Variants in TNKS observed in about 807,000 individuals in gnomAD.
TNKS encodes tankyrase.
In TNKS, 72 loss-of-function variants were observed where a neutral mutation model predicts 135.8. That is an observed-to-expected ratio of 0.53 (90% CI 0.44 to 0.64). The LOEUF (loss-of-function observed/expected upper bound fraction) is 0.64, where lower values mean the gene tolerates loss of function less well. Ranked by LOEUF, TNKS falls within the 30% of genes least tolerant of loss-of-function variation. TNKS has a pLI of 0.00. For missense variants in TNKS, 1,769 were observed against 1,674.0 expected, an observed-to-expected ratio of 1.06 and a Z score of -0.99; for synonymous variants, 849 against 649.3, an observed-to-expected ratio of 1.31 and a Z score of -4.68.
rs977024660 is a variant in TNKS at position 9,778,070 on chromosome 8, G to C, written c.*1334G>C. 6.6e-6 allele frequency: 1 copy of C among 152,524 alleles called. No individual in the cohort carries two copies. Among genetic ancestry groups the C allele is most frequent in the Non-Finnish European group, 1.5e-5 (1 of 68,008 alleles). The allele number at this position is 152,524 out of a possible 1,614,324, so 9.4% of individuals were successfully genotyped here. On this transcript the variant is annotated 3_prime_UTR_variant, in exon 27 of 27. Transcript: ENST00000310430. ...TTATTTTTTCAATGAAGGTGAGAAA[G>C]AAATACCATACAATTTTCTTTGTGA...
At chr8:9,728,255 C>G (rs555602790) in intron 13 of TNKS, among the ~76,000 whole-genome samples, 1 of 152,286 alleles carries the variant, frequency 6.6e-6, no homozygotes, top group Admixed American at 6.5e-5. Flanking sequence ...TGGTAAATTT[C>G]TTCCCCAAGA....
intron 1 of TNKS, among the ~76,000 whole-genome samples, chr8:9,576,212 T>C (rs574467117): frequency 2.0e-5 from 3 of 152,234 alleles, no homozygotes; most frequent in Non-Finnish European, 2.9e-5. Context: ...CCGAGCAAAA[T>C]TGAGTCTGAG....
At chr8:9,733,683 G>A (rs563666586) in intron 15 of TNKS, among the ~76,000 whole-genome samples, 2 of 152,160 alleles carry the variant, frequency 1.3e-5, no homozygotes, top group African/African-American at 2.4e-5. Flanking sequence ...GTAGGTTTTA[G>A]AAAGAGCTGA....
chr8:9,752,013 G>C (rs192047210), intron 19 of TNKS, among the ~76,000 whole-genome samples, 167 bp downstream of exon 19: 1 of 152,088 alleles, frequency 6.6e-6, no homozygotes, highest in Non-Finnish European at 1.5e-5. Flanking sequence ...AGGCTGCCAC[G>C]TTTCTTGGCA....
At chr8:9,637,186 A>T (rs1441475507) in intron 3 of TNKS, among the ~76,000 whole-genome samples, 1 of 152,350 alleles carries the variant, frequency 6.6e-6, no homozygotes, top group East Asian at 1.9e-4. Flanking sequence ...AATTAATTAG[A>T]CAGGAAATCA....
chr8:9,728,094 C>G (rs773865346), intron 13 of TNKS, among the ~76,000 whole-genome samples: 12 of 152,040 alleles, frequency 7.9e-5, no homozygotes, highest in Non-Finnish European at 1.5e-5. Context: ...GTTTTAAATT[C>G]CATGTGTTTT....
chr8:9,616,243 A>C (rs1799640600), intron 3 of TNKS, among the ~76,000 whole-genome samples: 1 of 152,208 alleles, frequency 6.6e-6, no homozygotes, highest in Admixed American at 6.5e-5. Context: ...TATTAGTTTT[A>C]TTAAAGCAAA....
intron 1 of TNKS, among the ~76,000 whole-genome samples, chr8:9,570,465 G>A (rs1317484341): frequency 2.0e-5 from 3 of 152,176 alleles, no homozygotes; most frequent in East Asian, 3.8e-4. Context: ...TCCCTTGCTG[G>A]CGTGGTGGAC....
At chr8:9,710,634 C>T (rs562414902) in intron 11 of TNKS, among the ~76,000 whole-genome samples, 5 of 152,266 alleles carry the variant, frequency 3.3e-5, no homozygotes, top group Admixed American at 1.3e-4. Flanking sequence ...CAGTGGCTCA[C>T]GCCTGTAATC....
At chr8:9,687,536 C>G (rs1028588347) in intron 5 of TNKS, among the ~76,000 whole-genome samples, 3 of 152,140 alleles carry the variant, frequency 2.0e-5, no homozygotes, top group Non-Finnish European at 4.4e-5. Context: ...TCTATTTTGT[C>G]AAGCATGACA....
intron 1 of TNKS, chr8:9,557,694 T>G (rs922361181): frequency 1.3e-5 from 2 of 151,890 alleles, no homozygotes; most frequent in Non-Finnish European, 2.9e-5. Context: ...GTTAAGTTTC[T>G]CCTATATTTC....
chr8:9,592,651 C>A (rs955294356), intron 2 of TNKS, among the ~76,000 whole-genome samples: 5 of 152,132 alleles, frequency 3.3e-5, no homozygotes, highest in Non-Finnish European at 7.4e-5. Context: ...CACTTTCATA[C>A]GTATTCTTAT....
chr8:9,611,037 C>T (rs2128763518), intron 2 of TNKS, among the ~76,000 whole-genome samples: 1 of 152,264 alleles, frequency 6.6e-6, no homozygotes, highest in South Asian at 2.1e-4. Flanking sequence ...ATGCCTGTAC[C>T]AGAAATGGGA....
At chr8:9,730,152 A>G (rs1217909329) in intron 13 of TNKS, among the ~76,000 whole-genome samples, 2 of 152,062 alleles carry the variant, frequency 1.3e-5, no homozygotes, top group African/African-American at 2.4e-5. Context: ...ACAGTCTTTC[A>G]TTCCTTCCAT....
At chr8:9,749,280 G>C (rs1806393692) in intron 18 of TNKS, among the ~76,000 whole-genome samples, 1 of 151,998 alleles carries the variant, frequency 6.6e-6, no homozygotes, top group African/African-American at 2.4e-5. Flanking sequence ...ACACTCACCT[G>C]CCACGTGCTC....
intron 18 of TNKS, among the ~76,000 whole-genome samples, chr8:9,751,282 A>G (rs1806515661): frequency 6.6e-6 from 1 of 152,264 alleles, no homozygotes; most frequent in South Asian, 2.1e-4. Context: ...TGAAGTAAAT[A>G]ACCAGATTAT....
chr8:9,657,794 C>A lies in TNKS; in HGVS notation c.995-22157C>A, dbSNP rs1040468596. Among the ~76,000 whole-genome samples the A allele has an allele frequency of 3.2e-4, 48 of 150,950 alleles. No individual in the cohort carries two copies. In the East Asian group the frequency reaches 8.6e-3, roughly 27 times the overall value. Reference sequence around the variant, plus strand: ...GGGCAGGGGGCTGACCCCCCCACCTCCCTCCCGGATGGGGCGGCTGCCGGG... The same window carrying A: ...GGGCAGGGGGCTGACCCCCCCACCTACCTCCCGGATGGGGCGGCTGCCGGG... On this transcript the variant is annotated intron_variant, in intron 3 of 26. Transcript: ENST00000310430.
At chr8:9,572,213 A>G (rs1033281726) in intron 1 of TNKS, among the ~76,000 whole-genome samples, 1 of 152,226 alleles carries the variant, frequency 6.6e-6, no homozygotes, top group African/African-American at 2.4e-5. Context: ...TGACTTTTAC[A>G]TGGAAATAAA....
intron 22 of TNKS, 100 bp from the exon 23 acceptor site, chr8:9,764,616 G>T (rs1392258480): frequency 1.4e-5 from 11 of 777,794 alleles, no homozygotes; most frequent in Non-Finnish European, 5.8e-6. Context: ...TCAATTTATA[G>T]TGAACTCCTA....
Sources: allele counts gnomAD v4.1 joint callset (sites outside exome capture counted in the v4.1 genomes callset), GRCh38; gene constraint gnomAD v4.1.1; transcripts MANE v1.5; gene names NCBI Gene and HGNC (gene_info 2026-07-23, HGNC 2026-07-21).